The following GPHN variants were observed in gnomAD, a reference collection of about 807,000 sequenced individuals.
GPHN encodes gephyrin.
Under a neutral mutation model 95.5 loss-of-function variants are expected in GPHN, and 17 were observed. The observed-to-expected ratio is 0.18, with a 90% confidence interval of 0.12 to 0.27. The LOEUF (loss-of-function observed/expected upper bound fraction) is 0.27, where lower values mean the gene tolerates loss of function less well. GPHN is among the 10% of genes least tolerant of loss of function. The pLI is 1.00. For missense variants in GPHN, 660 were observed against 978.1 expected, an observed-to-expected ratio of 0.67 and a Z score of 4.34; for synonymous variants, 320 against 322.5, an observed-to-expected ratio of 0.99 and a Z score of 0.08.
chr14:67,523,051 G>A, the GPHN span, among the ~76,000 whole-genome samples: 29 of 152,186 alleles, frequency 1.9e-4, no homozygotes, highest in African/African-American at 2.7e-4. Context: ...CAGGCTGGGC[G>A]CGGTGGCTCA....
At chr14:67,338,875 G>T in the GPHN span, 3 of 828,876 alleles carry the variant, frequency 3.6e-6, no homozygotes, top group South Asian at 3.1e-5. Context: ...AAAAAAACCT[G>T]GTACTTTTAT....
intron 4 of GPHN, among the ~76,000 whole-genome samples, chr14:66,871,327 A>T (rs894748210): frequency 6.6e-6 from 1 of 152,212 alleles, no homozygotes; most frequent in African/African-American, 2.4e-5. Context: ...GTGCTACTAT[A>T]CTTTGGGATA....
At chr14:67,183,861 CT>C (rs200074524), downstream of GPHN, among the ~76,000 whole-genome samples, 52 of 128,114 alleles carry the variant, frequency 4.1e-4, no homozygotes, top group Non-Finnish European at 4.0e-4. Context: ...TTTTTCTTTT[CT>C]TTTTTTTTTT....
At chr14:67,274,109 A>G in the GPHN span, among the ~76,000 whole-genome samples, 2 of 152,156 alleles carry the variant, frequency 1.3e-5, no homozygotes, top group African/African-American at 4.8e-5. Flanking sequence ...TTTGCTGTGC[A>G]GAAGCTCTTT....
intron 1 of GPHN, among the ~76,000 whole-genome samples, chr14:66,530,667 G>C (rs537033939): frequency 1.3e-5 from 2 of 152,258 alleles, no homozygotes; most frequent in South Asian, 4.1e-4. Flanking sequence ...TGAGTGCACA[G>C]TTCCTTACAG....
At chr14:67,423,178 C>T in the GPHN span, among the ~76,000 whole-genome samples, 4 of 152,018 alleles carry the variant, frequency 2.6e-5, no homozygotes, top group African/African-American at 9.7e-5. Flanking sequence ...TCTTCTGCTA[C>T]AGCAACAAAC....
At chr14:66,671,960 T>G (rs1174958801) in intron 1 of GPHN, among the ~76,000 whole-genome samples, 1 of 152,120 alleles carries the variant, frequency 6.6e-6, no homozygotes, top group Admixed American at 6.5e-5. Flanking sequence ...GCTCAAATTT[T>G]TGTTATTTAT....
At chr14:67,159,322 A>G in intron 18 of GPHN, 93 bp from the exon 19 acceptor site, 1 of 824,524 alleles carries the variant, frequency 1.2e-6, no homozygotes, top group Non-Finnish European at 2.1e-6. Context: ...GTTTCTTTTC[A>G]TTTCAATCTT....
chr14:67,143,440 G>A lies in GPHN; in HGVS notation c.1827G>A (p.Met609Ile), dbSNP rs1241162359. The change falls in exon 18 of 23, where the codon ATG (methionine) becomes ATA (isoleucine). Residue 609 changes from methionine (M) to isoleucine (I), a missense_variant. Physicochemically the swap from Met to Ile is conservative, Grantham distance 10. Transcript: ENST00000478722. ...TCATCACATCAGGGGGTGTATCCAT[G>A]GGGGAAAAGGTATGAAAGATAGGGC... Reference protein sequence around the residue: ...DVIITSGGVSMGEKDYLKQVL... With the variant: ...DVIITSGGVSIGEKDYLKQVL... The A allele has an allele frequency of 3.8e-6, 6 of 1,583,114 alleles. No individual in the cohort carries two copies. The highest frequency in any genetic ancestry group is 5.2e-6 in the Non-Finnish European group (6 of 1,151,962).
chr14:67,532,943 G>A, the GPHN span, among the ~76,000 whole-genome samples: 1 of 152,074 alleles, frequency 6.6e-6, no homozygotes, highest in African/African-American at 2.4e-5. Context: ...CACCCCTTGC[G>A]GCAGCTGGTG....
At chr14:67,350,510 T>C in the GPHN span, 22 of 967,850 alleles carry the variant, frequency 2.3e-5, no homozygotes, top group African/African-American at 3.6e-4. Context: ...ATATCATTTG[T>C]CCTTAACGCT....
intron 17 of GPHN, among the ~76,000 whole-genome samples, chr14:67,135,306 C>A (rs2080008204): frequency 6.6e-6 from 1 of 152,074 alleles, no homozygotes; most frequent in Non-Finnish European, 1.5e-5. Flanking sequence ...GTGTGTTTCA[C>A]TACTGTTTTC....
chr14:67,590,415 G>A, the GPHN span, among the ~76,000 whole-genome samples: 19 of 152,240 alleles, frequency 1.2e-4, no homozygotes, highest in Non-Finnish European at 2.5e-4. Context: ...ACCACGCCCA[G>A]TGGCACAATC....
the GPHN span, among the ~76,000 whole-genome samples, chr14:67,510,121 C>T: frequency 6.6e-6 from 1 of 152,274 alleles, no homozygotes; most frequent in Non-Finnish European, 1.5e-5. Context: ...CTTGCAGAGC[C>T]TCAGTGTTTC....
At chr14:66,520,157 C>T (rs2058418461) in intron 1 of GPHN, among the ~76,000 whole-genome samples, 1 of 151,992 alleles carries the variant, frequency 6.6e-6, no homozygotes. Context: ...TTTTCAGAGA[C>T]AGATGTTGTA....
intron 4 of GPHN, among the ~76,000 whole-genome samples, chr14:66,835,295 T>C (rs945873857): frequency 2.7e-5 from 4 of 150,684 alleles, no homozygotes; most frequent in Admixed American, 1.3e-4. Context: ...TGCCTTCTGC[T>C]AGCTTTTGAA....
At chr14:67,617,957 G>A in the GPHN span, among the ~76,000 whole-genome samples, 2 of 152,130 alleles carry the variant, frequency 1.3e-5, no homozygotes, top group Non-Finnish European at 2.9e-5. Flanking sequence ...GACCTCAGGT[G>A]ATCCACCTGC....
At chr14:66,963,625 G>A (rs2069113866) in intron 8 of GPHN, among the ~76,000 whole-genome samples, 1 of 152,042 alleles carries the variant, frequency 6.6e-6, no homozygotes, top group Non-Finnish European at 1.5e-5. Flanking sequence ...GCAACAAATA[G>A]CTCTTCAAAA....
At chr14:67,392,892 G>C in the GPHN span, 4 of 1,512,966 alleles carry the variant, frequency 2.6e-6, no homozygotes, top group Non-Finnish European at 3.6e-6. Flanking sequence ...TGATGGACCA[G>C]CGTCCTTGGG....
Sources: allele counts gnomAD v4.1 joint callset (sites outside exome capture counted in the v4.1 genomes callset), GRCh38; gene constraint gnomAD v4.1.1; transcripts MANE v1.5; gene names NCBI Gene and HGNC (gene_info 2026-07-23, HGNC 2026-07-21).